The following NAALADL2 variants were observed in gnomAD, a reference collection of about 807,000 sequenced individuals.
NAALADL2 encodes the protein inactive N-acetylated-alpha-linked acidic dipeptidase-like protein 2.
NAALADL2 carries 76 observed loss-of-function variants against 87.2 expected under a neutral mutation model. The observed-to-expected ratio is 0.87, with a 90% CI of 0.72 to 1.05. NAALADL2 has a LOEUF of 1.05. NAALADL2 is among the 50% of genes least tolerant of loss of function. The probability of loss-of-function intolerance (pLI) is 0.00; values close to 1 mark genes in which losing one functional copy is unlikely to be tolerated. For synonymous variants in NAALADL2, 354 were observed against 331.0 expected, an observed-to-expected ratio of 1.07 and a Z score of -0.75; for missense variants, 1,089 against 945.8, an observed-to-expected ratio of 1.15 and a Z score of -1.99.
chr3:174,997,044 GTATA>G (rs146460251), intron 1 of NAALADL2, among the ~76,000 whole-genome samples: 1 of 101,544 alleles, frequency 9.8e-6, no homozygotes, highest in Non-Finnish European at 2.0e-5. Flanking sequence ...GTGTGTATGT[GTATA>G]TATATATATA....
At chr3:174,556,329 T>C (rs1712813437) in intron 2 of NAALADL2, among the ~76,000 whole-genome samples, 1 of 152,206 alleles carries the variant, frequency 6.6e-6, no homozygotes, top group East Asian at 1.9e-4. Flanking sequence ...AGACTGATGC[T>C]GAATTTTTAC....
rs576015526 is a variant in NAALADL2 at position 175,742,460 on chromosome 3, C to G, written c.1990+5061C>G. On this transcript the variant is annotated intron_variant, in intron 12 of 13. Transcript: ENST00000454872. ...TCACCCAGGCTGGAGTGCAGTGGCGCGATCTTGGCTCACTGCAAGCTCCGC... is the reference window on the plus strand; with the variant it reads ...TCACCCAGGCTGGAGTGCAGTGGCGGGATCTTGGCTCACTGCAAGCTCCGC... Among the ~76,000 whole-genome samples the G allele has an allele frequency of 9.9e-5, 15 of 152,284 alleles. No homozygotes were observed. The East Asian group carries it at 1.4e-3, about 14-fold the overall frequency.
At chr3:174,456,019 A>G (rs12107120) in intron 1 of NAALADL2, among the ~76,000 whole-genome samples, 2,882 of 152,268 alleles carry the variant, frequency 0.019, 96 homozygotes, top group African/African-American at 0.067. Flanking sequence ...AAGTCTCAAG[A>G]TACAAAGTCA....
chr3:175,720,633 A>G (rs2150032389), intron 11 of NAALADL2, among the ~76,000 whole-genome samples: 1 of 152,170 alleles, frequency 6.6e-6, no homozygotes, highest in East Asian at 1.9e-4. Context: ...AGGATATATT[A>G]AAAATAAACC....
intron 3 of NAALADL2, among the ~76,000 whole-genome samples, chr3:174,767,297 T>C (rs1010165101): frequency 6.6e-6 from 1 of 151,424 alleles, no homozygotes; most frequent in Non-Finnish European, 1.5e-5. Flanking sequence ...TTAGGAAACA[T>C]AATCAAGTTT....
chr3:175,486,474 A>G (rs1727275000), intron 9 of NAALADL2, among the ~76,000 whole-genome samples: 2 of 152,116 alleles, frequency 1.3e-5, no homozygotes, highest in Admixed American at 1.3e-4. Flanking sequence ...TCCTTCAGCA[A>G]TTTTGGCTTC....
At chr3:175,644,018 G>C (rs1274335457) in intron 11 of NAALADL2, among the ~76,000 whole-genome samples, 1 of 152,048 alleles carries the variant, frequency 6.6e-6, no homozygotes, top group East Asian at 1.9e-4. Context: ...GCCTTGGTGT[G>C]GTTTAAGTTA....
intron 13 of NAALADL2, among the ~76,000 whole-genome samples, chr3:175,767,187 CAA>C (rs931436115): frequency 3.3e-5 from 5 of 151,768 alleles, no homozygotes; most frequent in African/African-American, 1.2e-4. Flanking sequence ...GCTAAAAACA[CAA>C]GACTACAGCA....
chr3:175,316,900 T>C (rs1759213531), intron 4 of NAALADL2, among the ~76,000 whole-genome samples: 1 of 152,140 alleles, frequency 6.6e-6, no homozygotes, highest in Non-Finnish European at 1.5e-5. Context: ...TTAAGTGTCT[T>C]TATTTCTAAA....
intron 2 of NAALADL2, among the ~76,000 whole-genome samples, chr3:175,132,591 C>T (rs1232813677): frequency 2.8e-5 from 3 of 107,164 alleles, no homozygotes; most frequent in South Asian, 3.5e-4. Flanking sequence ...CCAGACGGGG[C>T]GGCTGGCCGG....
chr3:175,264,870 TTTTAA>T (rs1459860795), intron 4 of NAALADL2, among the ~76,000 whole-genome samples: 5 of 151,646 alleles, frequency 3.3e-5, no homozygotes, highest in African/African-American at 1.2e-4. Flanking sequence ...CTAATACACA[TTTTAA>T]TTTATTTTCC....
chr3:175,790,768 TGTAA>T (rs1752685083), intron 13 of NAALADL2, among the ~76,000 whole-genome samples: 1 of 152,226 alleles, frequency 6.6e-6, no homozygotes. Flanking sequence ...AATTAATCTG[TGTAA>T]GTCTGTCCAA....
chr3:175,440,773 A>G (rs1044686009), intron 5 of NAALADL2, among the ~76,000 whole-genome samples: 7 of 152,088 alleles, frequency 4.6e-5, no homozygotes, highest in African/African-American at 1.4e-4. Context: ...TACCCATTCT[A>G]TGAGATTTTT....
At chr3:175,406,952 G>A (rs1280046889) in intron 5 of NAALADL2, among the ~76,000 whole-genome samples, 1 of 152,016 alleles carries the variant, frequency 6.6e-6, no homozygotes, top group Non-Finnish European at 1.5e-5. Flanking sequence ...AGGCTGAGGT[G>A]GGCGGATCAT....
chr3:175,218,220 G>A, intron 2 of NAALADL2: 1 of 333,328 alleles, frequency 3.0e-6, no homozygotes, highest in Non-Finnish European at 6.0e-6. Context: ...TTCCCAAGAG[G>A]AGATAATTAG....
At chr3:174,508,313 C>T (rs1352710982) in intron 1 of NAALADL2, among the ~76,000 whole-genome samples, 1 of 151,922 alleles carries the variant, frequency 6.6e-6, no homozygotes, top group Non-Finnish European at 1.5e-5. Flanking sequence ...TGGGGTTTCA[C>T]TGTGTTAGCC....
rs1300659966 is a variant in NAALADL2, at chr3:174,537,176, G to A, written c.-183-13393G>A. On this transcript the variant is annotated intron_variant, in intron 1 of 3. Transcript: ENST00000434257. ...TTGCTAAGCAATTCTATGTATTGTA[G>A]AAATGTATCACAAGGGTGTTTGAAT... is the stretch of plus-strand genomic sequence containing the variant. Among the ~76,000 whole-genome samples, 12 of 152,238 alleles carry A rather than the reference G, an allele frequency of 7.9e-5. No homozygotes were observed. The East Asian group carries it at 2.3e-3, about 29-fold the overall frequency.
intron 2 of NAALADL2, among the ~76,000 whole-genome samples, chr3:174,554,908 C>G (rs1310143584): frequency 6.6e-5 from 10 of 152,308 alleles, no homozygotes; most frequent in Admixed American, 2.6e-4. Context: ...CCAGAAGATT[C>G]TGTGTCTTGT....
At chr3:175,463,354 CAATAA>C (rs1470418541) in intron 6 of NAALADL2, 42 bp from the exon 7 acceptor site, 13 of 1,189,034 alleles carry the variant, frequency 1.1e-5, no homozygotes, top group Non-Finnish European at 1.4e-5. Flanking sequence ...TTAAAAAATA[CAATAA>C]AATATAAAGA....
Sources: allele counts gnomAD v4.1 joint callset (sites outside exome capture counted in the v4.1 genomes callset), GRCh38; gene constraint gnomAD v4.1.1; transcripts MANE v1.5; gene names NCBI Gene and HGNC (gene_info 2026-07-23, HGNC 2026-07-21).